Variants in KIF16B observed in about 807,000 individuals in gnomAD.
KIF16B encodes kinesin-like protein KIF16B.
In KIF16B, 98 loss-of-function variants were observed where a neutral mutation model predicts 156.3. That is an observed-to-expected ratio of 0.63 (90% confidence interval 0.53 to 0.74). KIF16B has a LOEUF of 0.74. Among genes scored for constraint, KIF16B ranks in the 30% least tolerant of loss-of-function variants. The pLI, the probability that KIF16B is intolerant of heterozygous loss-of-function variation, is 0.00. For missense variants in KIF16B, 1,421 were observed against 1,606.5 expected (o/e 0.88, Z 1.97); for synonymous variants, 564 against 583.7 (o/e 0.97, Z 0.49).
chr20:16,304,114 G>C (rs2063509238), intron 25 of KIF16B, among the ~76,000 whole-genome samples: 1 of 152,188 alleles, frequency 6.6e-6, no homozygotes, highest in African/African-American at 2.4e-5. Context: ...GAGTACAACT[G>C]TTTGATGACA....
At chr20:16,306,113 C>T (rs1435175118) in intron 25 of KIF16B, among the ~76,000 whole-genome samples, 1 of 152,208 alleles carries the variant, frequency 6.6e-6, no homozygotes, top group East Asian at 1.9e-4. Context: ...TAATAACTTC[C>T]TTTTAATACC....
At chr20:16,565,642 T>A (rs1199838733) in intron 1 of KIF16B, among the ~76,000 whole-genome samples, 1 of 152,156 alleles carries the variant, frequency 6.6e-6, no homozygotes, top group African/African-American at 2.4e-5. Context: ...GAGACAGAAT[T>A]CACTTCCACC....
intron 22 of KIF16B, chr20:16,367,155 T>C: frequency 1.9e-6 from 3 of 1,597,060 alleles, no homozygotes; most frequent in Middle Eastern, 1.7e-4. Context: ...CTTAGAGTCT[T>C]GTCAAATGTG....
chr20:16,446,459 C>T (rs1159403751), intron 12 of KIF16B, among the ~76,000 whole-genome samples: 4 of 152,158 alleles, frequency 2.6e-5, no homozygotes, highest in African/African-American at 9.7e-5. Flanking sequence ...GCATGTTCCC[C>T]TGCACCATCT....
chr20:16,334,385 C>T (rs538226777), intron 24 of KIF16B, among the ~76,000 whole-genome samples: 189 of 152,286 alleles, frequency 1.2e-3, no homozygotes, highest in South Asian at 5.6e-3. Context: ...TGATTTCAGC[C>T]ACGAAAATTA....
intron 12 of KIF16B, among the ~76,000 whole-genome samples, chr20:16,455,919 A>G (rs1046552534): frequency 5.3e-5 from 8 of 152,114 alleles, no homozygotes; most frequent in African/African-American, 1.4e-4. Flanking sequence ...AATCAAAGAC[A>G]CTCAAAGACC....
intron 17 of KIF16B, among the ~76,000 whole-genome samples, chr20:16,387,134 A>G (rs973162817): frequency 3.5e-4 from 54 of 152,216 alleles, no homozygotes; most frequent in African/African-American, 1.2e-3. Context: ...ACTCCTCTTC[A>G]TAAGAGTGAG....
intron 1 of KIF16B, among the ~76,000 whole-genome samples, chr20:16,560,020 A>T (rs966497050): frequency 6.6e-6 from 1 of 152,230 alleles, no homozygotes; most frequent in African/African-American, 2.4e-5. Context: ...TAAAAGGTAC[A>T]TGGGAACTCT....
chr20:16,423,989 T>C (rs1042348884), intron 15 of KIF16B, among the ~76,000 whole-genome samples: 2 of 152,038 alleles, frequency 1.3e-5, no homozygotes, highest in Admixed American at 1.3e-4. Context: ...TATGGTCACT[T>C]CCTGGGCTAA....
intron 1 of KIF16B, among the ~76,000 whole-genome samples, chr20:16,540,608 G>C (rs1295181060): frequency 1.3e-5 from 2 of 152,066 alleles, no homozygotes; most frequent in South Asian, 2.1e-4. Context: ...GCACTGCCTA[G>C]ATCTGCCTCT....
chr20:16,290,253 G>A (rs115141036), intron 25 of KIF16B, among the ~76,000 whole-genome samples: 3,118 of 152,260 alleles, frequency 0.02, 103 homozygotes, highest in African/African-American at 0.07. Context: ...CTCGGCCATC[G>A]AGGAGTAGTT....
Position 16,505,790 on chromosome 20 carries a change from C to T in KIF16B, c.932G>A (p.Arg311Lys). 6.2e-7 allele frequency: 1 copy of T among 1,613,840 alleles called. No individual in the cohort carries two copies. The highest frequency in any genetic ancestry group is 8.5e-7 in the Non-Finnish European group (1 of 1,179,806). Residue 311 changes from arginine to lysine, a missense_variant, in exon 9 of 26, where the codon AGG (arginine) becomes AAG (lysine). Transcript: ENST00000354981. ...TAACAACCAAGTCAACACAGAATCCCTGTAAGGCACGAAAACTTGCTTCTT... is the reference window on the plus strand; with the variant it reads ...TAACAACCAAGTCAACACAGAATCCTTGTAAGGCACGAAAACTTGCTTCTT... ...AKKKQVFVPY[R>K]DSVLTWLLKD...
At chr20:16,374,502 C>A in intron 19 of KIF16B, 93 bp from the exon 20 acceptor site, 1 of 1,179,994 alleles carries the variant, frequency 8.5e-7, no homozygotes, top group Non-Finnish European at 1.1e-6. Flanking sequence ...CATGGGGGAA[C>A]AAGATCTGTC....
intron 1 of KIF16B, among the ~76,000 whole-genome samples, chr20:16,534,612 C>T (rs2069885131): frequency 6.6e-6 from 1 of 152,192 alleles, no homozygotes; most frequent in Non-Finnish European, 1.5e-5. Context: ...AGAGCTTTCC[C>T]TATGTTCTCT....
chr20:16,410,106 T>TGTTG (rs2065904169), intron 15 of KIF16B, among the ~76,000 whole-genome samples: 3 of 127,192 alleles, frequency 2.4e-5, no homozygotes, highest in Non-Finnish European at 5.1e-5. Context: ...TATATATATA[T>TGTTG]GTAGGTACAT....
chr20:16,567,198 C>G (rs2071285111), intron 1 of KIF16B, among the ~76,000 whole-genome samples: 2 of 152,164 alleles, frequency 1.3e-5, no homozygotes, highest in Admixed American at 6.5e-5. Flanking sequence ...GAATAAGAGA[C>G]CTCCTTATTA....
intron 1 of KIF16B, among the ~76,000 whole-genome samples, chr20:16,540,718 C>T (rs1027570905): frequency 1.2e-4 from 18 of 150,436 alleles, no homozygotes; most frequent in African/African-American, 4.3e-4. Flanking sequence ...AATACCCTGG[C>T]TCCATGAATT....
intron 23 of KIF16B, among the ~76,000 whole-genome samples, chr20:16,336,264 A>G (rs1305061280): frequency 1.3e-5 from 2 of 152,216 alleles, no homozygotes; most frequent in Non-Finnish European, 2.9e-5. Context: ...GCAGATGGTC[A>G]TCTCTTAATT....
In KIF16B at chr20:16,505,832, G is replaced by A. The variant is rs761610161; in HGVS notation, c.890C>T (p.Ala297Val). Residue 297 changes from alanine to valine, a missense_variant, in exon 9 of 26, where the codon GCA becomes GTA. Physicochemically the swap from Ala to Val is moderately conservative, Grantham distance 64 (BLOSUM62 0). Coordinates refer to ENST00000354981, the MANE Select transcript of KIF16B (RefSeq NM_024704.5). Reference sequence around the variant, plus strand: ...TTGCTTCTTCTTTGCAAGAGTATTTGCAGCATCCTGAGATAAATCAGCTAT... The same window carrying A: ...TTGCTTCTTCTTTGCAAGAGTATTTACAGCATCCTGAGATAAATCAGCTAT... ...SALADLSQDA[A>V]NTLAKKKQVF... 1.1e-5 allele frequency: 18 copies of A among 1,613,804 alleles called. No homozygotes were observed. Among genetic ancestry groups the A allele is most frequent in the Non-Finnish European group, 1.0e-5 (12 of 1,179,914 alleles).
Sources: allele counts gnomAD v4.1 joint callset (sites outside exome capture counted in the v4.1 genomes callset), GRCh38; gene constraint gnomAD v4.1.1; transcripts MANE v1.5; gene names NCBI Gene and HGNC (gene_info 2026-07-23, HGNC 2026-07-21).